DENND2A: variants seen among roughly 807,000 people sequenced by gnomAD.
DENND2A encodes DENN domain-containing protein 2A.
In DENND2A, 53 loss-of-function variants were observed where a neutral mutation model predicts 105.3. That is an observed-to-expected ratio of 0.50 (90% CI 0.40 to 0.63). The LOEUF is 0.63. Ranked by LOEUF, DENND2A falls within the 30% of genes least tolerant of loss-of-function variation. The pLI is 0.00. For synonymous variants in DENND2A, 522 were observed against 508.4 expected (o/e 1.03, Z -0.36); for missense variants, 1,138 against 1,279.6 (o/e 0.89, Z 1.69).
At chr7:140,567,887 A>C (rs1307189070) in intron 8 of DENND2A, among the ~76,000 whole-genome samples, 1 of 152,162 alleles carries the variant, frequency 6.6e-6, no homozygotes, top group African/African-American at 2.4e-5. Flanking sequence ...TCAGAGGTGA[A>C]TGCAGCAGGG....
chr7:140,588,377 G>A lies in DENND2A; in HGVS notation c.996-597C>T, dbSNP rs539486497. On this transcript the variant is annotated intron_variant, in intron 3 of 19. Coordinates refer to ENST00000496613, the MANE Select transcript of DENND2A (RefSeq NM_015689.5). ...ACGTAGAAAATAGAAAAGGGGGCCG[G>A]GAGCAGTGGCTCACTAGTATAGACA... Among the ~76,000 whole-genome samples, 11 of 152,164 alleles carry A rather than the reference G, an allele frequency of 7.2e-5. No homozygotes were observed. The South Asian group carries it at 2.3e-3, about 32-fold the overall frequency.
intron 12 of DENND2A, among the ~76,000 whole-genome samples, chr7:140,550,770 C>T (rs891531780): frequency 2.6e-4 from 39 of 151,828 alleles, no homozygotes; most frequent in African/African-American, 9.2e-4. Context: ...TCAATGGGTA[C>T]AGAGTTTCTG....
At chr7:140,536,670 G>T (rs1285315141) in intron 14 of DENND2A, among the ~76,000 whole-genome samples, 1 of 151,836 alleles carries the variant, frequency 6.6e-6, no homozygotes, top group African/African-American at 2.4e-5. Flanking sequence ...TATTAAAATT[G>T]TATTTTTTTT....
chr7:140,574,976 C>G lies in DENND2A; in HGVS notation c.1246-968G>C, dbSNP rs1860840. Among the ~76,000 whole-genome samples the G allele has an allele frequency of 1.1e-4, 16 of 151,942 alleles. 1 individual carries two copies. The highest frequency in any genetic ancestry group is 3.9e-4 in the East Asian group (2 of 5,154). On this transcript the variant is annotated intron_variant, in intron 5 of 19. Transcript: ENST00000496613. ...CGGATGTTGCAGTGAGCTGAGATCA[C>G]GCCACTGCACTCCAGCCTGGGTGAT...
chr7:140,544,919 G>A (rs1438196596), intron 13 of DENND2A, 153 bp from the exon 14 acceptor site: 1 of 975,520 alleles, frequency 1.0e-6, no homozygotes, highest in Non-Finnish European at 1.2e-6. Flanking sequence ...AAAAGGATTG[G>A]GGGAAAAGAA....
chr7:140,544,469 A>T, intron 14 of DENND2A, 149 bp downstream of exon 14: 1 of 982,220 alleles, frequency 1.0e-6, no homozygotes, highest in Non-Finnish European at 1.6e-6. Context: ...TGCTGAGATT[A>T]CAGGTGTGAG....
intron 12 of DENND2A, among the ~76,000 whole-genome samples, chr7:140,548,995 G>A (rs1473796889): frequency 6.6e-6 from 1 of 151,498 alleles, no homozygotes; most frequent in African/African-American, 2.4e-5. Flanking sequence ...AAGGCTGGCG[G>A]ATCACTTGAG....
chr7:140,540,298 G>A (rs184684371), intron 14 of DENND2A, among the ~76,000 whole-genome samples: 1 of 152,364 alleles, frequency 6.6e-6, no homozygotes, highest in East Asian at 1.9e-4. Context: ...ACCCCTGATG[G>A]GCACAACGTG....
At chr7:140,556,914 G>A (rs1797386262) in intron 11 of DENND2A, among the ~76,000 whole-genome samples, 1 of 152,052 alleles carries the variant, frequency 6.6e-6, no homozygotes, top group Non-Finnish European at 1.5e-5. Flanking sequence ...CAGGATCATT[G>A]CACTGAAATA....
At chr7:140,562,255 G>T (rs1038886545) in intron 9 of DENND2A, among the ~76,000 whole-genome samples, 2 of 152,142 alleles carry the variant, frequency 1.3e-5, no homozygotes, top group Admixed American at 1.3e-4. Flanking sequence ...CCTGTTCACT[G>T]CTCCTGATGG....
intron 1 of DENND2A, among the ~76,000 whole-genome samples, chr7:140,606,599 A>T (rs1799694584): frequency 6.6e-6 from 1 of 152,154 alleles, no homozygotes; most frequent in African/African-American, 2.4e-5. Context: ...GTTTAAACCC[A>T]CACTGCCCTT....
At position 140,575,348 on chromosome 7, in the gene DENND2A, C is replaced by T. The variant is rs114556339; in HGVS notation, c.1246-1340G>A. On this transcript the variant is annotated intron_variant, in intron 5 of 19. Coordinates refer to ENST00000496613, the MANE Select transcript of DENND2A (RefSeq NM_015689.5). Reference sequence around the variant, plus strand: ...GTTGGTGAAAGTGAGGGAGAAAAGTCACTCCCACACTGTCATACAGGGTTG... The same window carrying T: ...GTTGGTGAAAGTGAGGGAGAAAAGTTACTCCCACACTGTCATACAGGGTTG... Among the ~76,000 whole-genome samples, 317 of 152,216 alleles carry T rather than the reference C, an allele frequency of 2.1e-3. 1 individual carries two copies. Among genetic ancestry groups the T allele is most frequent in the African/African-American group, 7.5e-3 (310 of 41,538 alleles).
chr7:140,606,931 A>G (rs544214062), intron 1 of DENND2A, among the ~76,000 whole-genome samples: 1 of 152,356 alleles, frequency 6.6e-6, no homozygotes, highest in South Asian at 2.1e-4. Flanking sequence ...ACATGAGCAT[A>G]AATGGACATG....
At chr7:140,577,907 G>C (rs2130622850) in intron 5 of DENND2A, among the ~76,000 whole-genome samples, 1 of 152,254 alleles carries the variant, frequency 6.6e-6, no homozygotes, top group African/African-American at 2.4e-5. Flanking sequence ...GCATAAAAGG[G>C]AAGTCACTCT....
intron 12 of DENND2A, among the ~76,000 whole-genome samples, chr7:140,552,887 G>C (rs1797195739): frequency 6.6e-6 from 1 of 151,658 alleles, no homozygotes; most frequent in African/African-American, 2.4e-5. Flanking sequence ...TCTACCATGG[G>C]AAGAGATTGT....
chr7:140,559,041 G>T lies in DENND2A; in HGVS notation c.1889+667C>A, dbSNP rs956298968. ...GGCTAAAGAGAGGGAAGAGCCTGGG[G>T]TGCTGTCCTCAGGGAACTGAGCATG... On this transcript the variant is annotated intron_variant, in intron 10 of 19. Transcript: ENST00000496613. This position sits in a 1 kb window ranked among gnomAD's most constrained non-coding sequence, Gnocchi z 4.1. Among the ~76,000 whole-genome samples, 8 of 152,122 alleles carry T rather than the reference G, an allele frequency of 5.3e-5. No homozygotes were observed. The highest frequency in any genetic ancestry group is 1.0e-4 in the Non-Finnish European group (7 of 68,022).
intron 3 of DENND2A, among the ~76,000 whole-genome samples, chr7:140,588,888 A>T (rs1798897093): frequency 6.6e-6 from 1 of 151,046 alleles, no homozygotes; most frequent in Admixed American, 6.6e-5. Context: ...GATTACATGC[A>T]TGTATCACCA....
chr7:140,525,737 C>A lies in DENND2A; in HGVS notation c.2547+14G>T, dbSNP rs1318768021. The A allele has an allele frequency of 6.2e-7, 1 of 1,604,676 alleles. No individual in the cohort carries two copies. Among genetic ancestry groups the A allele is most frequent in the South Asian group, 1.1e-5 (1 of 89,116 alleles). ...AGACAAAGGGAGCAGGAGGCCGTCG[C>A]TGGCCTCACTCACCTGTCTGAGGAA... On this transcript the variant is annotated intron_variant, in intron 16 of 19. Coordinates refer to ENST00000496613, the MANE Select transcript of DENND2A (RefSeq NM_015689.5).
chr7:140,602,501 C>T lies in DENND2A; in HGVS notation c.-104G>A. 1.6e-6 allele frequency: 2 copies of T among 1,278,384 alleles called. No individual in the cohort carries two copies. Among genetic ancestry groups the T allele is most frequent in the East Asian group, 2.5e-5 (1 of 39,354 alleles). The allele number at this position is 1,278,384 out of a possible 1,614,324, so 79.2% of individuals were successfully genotyped here. A position where few individuals can be genotyped will look rare whatever the true frequency, so the allele number is the denominator to read the frequency against. ...TGGAATGGAGGACTAAAGTGGATGC[C>T]TTCGAGGGTCTTTCTCAGTCCTTGG... On this transcript the variant is annotated 5_prime_UTR_variant, in exon 3 of 20. Transcript: ENST00000496613.
Sources: gnomAD v4.1 joint callset for allele counts (sites outside exome capture counted in the v4.1 genomes callset) on GRCh38, gnomAD v4.1.1 for gene constraint, Gnocchi (gnomAD v3.1) non-coding constraint, MANE v1.5 for transcripts, NCBI Gene and HGNC (gene_info 2026-07-23, HGNC 2026-07-21) for gene names.